LRRC7: variants seen among roughly 807,000 people sequenced by gnomAD.
LRRC7 encodes the protein leucine-rich repeat-containing protein 7.
A neutral mutation model predicts 175.7 loss-of-function variants in LRRC7; 23 were observed. That is an observed-to-expected ratio of 0.13 (90% CI 0.09 to 0.19). LRRC7 has a LOEUF of 0.19. Among genes scored for constraint, LRRC7 ranks in the 10% least tolerant of loss-of-function variants. The pLI is 1.00. For missense variants in LRRC7, 1,354 were observed against 1,904.7 expected, an observed-to-expected ratio of 0.71 and a Z score of 5.38; for synonymous variants, 685 against 680.9, an observed-to-expected ratio of 1.01 and a Z score of -0.09.
intron 8 of LRRC7, among the ~76,000 whole-genome samples, chr1:69,944,954 A>G (rs186264436): frequency 6.6e-6 from 1 of 152,070 alleles, no homozygotes; most frequent in African/African-American, 2.4e-5. Context: ...CCCATTCCAT[A>G]TGTTGTCTCT....
chr1:70,131,550 T>G lies in LRRC7; in HGVS notation c.*9663T>G, dbSNP rs1209647621. On this transcript the variant is annotated 3_prime_UTR_variant, in exon 27 of 27. Coordinates refer to ENST00000651989, the MANE Select transcript of LRRC7 (RefSeq NM_001370785.2). ...GACTCTTTTACTTATACTATTAATATTAATTACTCTTATTCTACCTCTGCT... is the reference window on the plus strand; with the variant it reads ...GACTCTTTTACTTATACTATTAATAGTAATTACTCTTATTCTACCTCTGCT... 6.6e-6 allele frequency among the ~76,000 whole-genome samples: 1 copy of G among 152,240 alleles called. No individual in the cohort carries two copies. The highest frequency in any genetic ancestry group is 1.9e-4 in the East Asian group (1 of 5,204).
In LRRC7 at chr1:69,993,278, A is replaced by G. The variant is rs1570939611; in HGVS notation, c.932-1283A>G. Among the ~76,000 whole-genome samples, 7 of 152,272 alleles carry G rather than the reference A, an allele frequency of 4.6e-5. 3 individuals are homozygous for G. The highest frequency in any genetic ancestry group is 4.6e-4 in the Admixed American group (7 of 15,284). On this transcript the variant is annotated intron_variant, in intron 10 of 26. Coordinates refer to ENST00000651989, the MANE Select transcript of LRRC7 (RefSeq NM_001370785.2). ...TTTCAAGCTGATGTATTCAGTTCCC[A>G]GGTACTTGCTCATAACAGTCTGATA...
intron 2 of LRRC7, among the ~76,000 whole-genome samples, chr1:69,731,281 C>G (rs1292391603): frequency 2.0e-5 from 3 of 151,980 alleles, no homozygotes; most frequent in Non-Finnish European, 2.9e-5. Flanking sequence ...CAGCAAGACT[C>G]CATTACCCCC....
chr1:69,771,396 G>C (rs1350105626), intron 3 of LRRC7, among the ~76,000 whole-genome samples: 1 of 152,048 alleles, frequency 6.6e-6, no homozygotes, highest in African/African-American at 2.4e-5. Flanking sequence ...TTAATTATGT[G>C]AGTCAATGAG....
intron 7 of LRRC7, among the ~76,000 whole-genome samples, chr1:69,892,692 A>G (rs943509250): frequency 5.9e-5 from 9 of 152,190 alleles, no homozygotes; most frequent in Admixed American, 1.3e-4. Context: ...ACCTACATGT[A>G]TTATTTCACT....
intron 3 of LRRC7, among the ~76,000 whole-genome samples, chr1:69,768,541 A>G (rs978592859): frequency 1.3e-5 from 2 of 152,192 alleles, no homozygotes; most frequent in African/African-American, 4.8e-5. Context: ...CAGTATTAAG[A>G]TACTGCCTAA....
At chr1:70,094,391 G>T (rs72915800) in intron 25 of LRRC7, among the ~76,000 whole-genome samples, 3,862 of 152,084 alleles carry the variant, frequency 0.025, 189 homozygotes, top group African/African-American at 0.09. Context: ...CAAATTCATG[G>T]TTTTTTTAAA....
At chr1:69,754,239 G>A (rs1022723801) in intron 2 of LRRC7, among the ~76,000 whole-genome samples, 3 of 152,042 alleles carry the variant, frequency 2.0e-5, no homozygotes, top group African/African-American at 7.2e-5. Context: ...GTTTTCAATA[G>A]GTCATCTAGC....
chr1:69,810,457 A>G (rs2901372), intron 4 of LRRC7, among the ~76,000 whole-genome samples: 5,053 of 152,268 alleles, frequency 0.033, 252 homozygotes, highest in African/African-American at 0.11. Flanking sequence ...AAGAGCCCAC[A>G]TAGCCAAGAC....
rs1226834552 is a variant in LRRC7 at position 70,129,864 on chromosome 1, C to T, written c.*7977C>T. Among the ~76,000 whole-genome samples, 1 of 152,174 alleles carries T rather than the reference C, an allele frequency of 6.6e-6. No homozygotes were observed. Among genetic ancestry groups the T allele is most frequent in the Non-Finnish European group, 1.5e-5 (1 of 68,034 alleles). On this transcript the variant is annotated 3_prime_UTR_variant, in exon 27 of 27. Transcript: ENST00000651989. ...TCTGGAAATTGTTTTCTTTTCTTCA[C>T]CCTATGCATACTCAGTGTTTTAGAC...
chr1:69,755,094 G>A (rs1292904117), intron 2 of LRRC7, among the ~76,000 whole-genome samples: 7 of 151,928 alleles, frequency 4.6e-5, no homozygotes, highest in Non-Finnish European at 7.4e-5. Flanking sequence ...CAAAGGAAGA[G>A]TGTTTTTAAA....
intron 7 of LRRC7, among the ~76,000 whole-genome samples, chr1:69,856,366 C>A (rs927420651): frequency 4.6e-5 from 7 of 151,902 alleles, no homozygotes; most frequent in Admixed American, 4.6e-4. Flanking sequence ...AGACCACTAG[C>A]AAGACTAATA....
chr1:69,607,837 G>A (rs965486520), intron 1 of LRRC7: 1 of 152,116 alleles, frequency 6.6e-6, no homozygotes, highest in African/African-American at 2.4e-5. Flanking sequence ...AGGAATAGCA[G>A]GTATTGATTC....
chr1:69,884,114 A>G (rs1686923417), intron 7 of LRRC7, among the ~76,000 whole-genome samples: 1 of 82,136 alleles, frequency 1.2e-5, no homozygotes, highest in African/African-American at 4.4e-5. Context: ...TTTTGGTTCC[A>G]TATGAACTTT....
chr1:69,691,442 C>A (rs1279100711), intron 2 of LRRC7, among the ~76,000 whole-genome samples: 1 of 151,958 alleles, frequency 6.6e-6, no homozygotes, highest in East Asian at 1.9e-4. Flanking sequence ...TTAAGCACAG[C>A]ATTTGGTATA....
At position 70,132,798 on chromosome 1, in the gene LRRC7, C is replaced by T. The variant is rs534687774; in HGVS notation, c.*10911C>T. Among the ~76,000 whole-genome samples the T allele has an allele frequency of 3.9e-5, 6 of 152,126 alleles. No individual in the cohort carries two copies. In the South Asian group the frequency reaches 1.2e-3, roughly 32 times the overall value. ...ACTTTTCTTAAATAAAGACTAATGT[C>T]AGACAGTGTGGCTACAGGTAAAAGC... On this transcript the variant is annotated 3_prime_UTR_variant, in exon 27 of 27. Transcript: ENST00000651989.
At chr1:69,700,047 T>G (rs1018707854) in intron 2 of LRRC7, among the ~76,000 whole-genome samples, 17 of 152,196 alleles carry the variant, frequency 1.1e-4, no homozygotes, top group African/African-American at 3.9e-4. Context: ...GAGATGTTCC[T>G]TCACAAATTC....
rs574357981 is a variant in LRRC7 at position 69,650,539 on chromosome 1, C to CAAAAAAAAAAAAAAAAAAAAAAAAAAAA, written c.3-27827_3-27826insAAAAAAAAAAAAAAAAAAAAAAAAAAAA. Among the ~76,000 whole-genome samples, 25 of 79,186 alleles carry CAAAAAAAAAAAAAAAAAAAAAAAAAAAA rather than the reference C, an allele frequency of 3.2e-4. 2 individuals carry two copies. The highest frequency in any genetic ancestry group is 5.3e-4 in the East Asian group (1 of 1,882). The allele number at this position is 79,186 out of a possible 152,430, so 51.9% of individuals were successfully genotyped here. On this transcript the variant is annotated intron_variant, in intron 1 of 26. Coordinates refer to ENST00000651989, the MANE Select transcript of LRRC7 (RefSeq NM_001370785.2). ...TGGGCGAAAAAGAGAGACTCCGTCT[C>CAAAAAAAAAAAAAAAAAAAAAAAAAAAA]AAAAAAAAAAAAAAATGCCAAGCAT... is the stretch of plus-strand genomic sequence containing the variant.
chr1:69,620,799 T>C (rs1359050855), intron 1 of LRRC7, among the ~76,000 whole-genome samples: 2 of 152,222 alleles, frequency 1.3e-5, no homozygotes, highest in Non-Finnish European at 2.9e-5. Context: ...CCTCCTTTTA[T>C]GTAAATGCAC....
Sources: allele counts gnomAD v4.1 joint callset (sites outside exome capture counted in the v4.1 genomes callset), GRCh38; gene constraint gnomAD v4.1.1; transcripts MANE v1.5; gene names NCBI Gene and HGNC (gene_info 2026-07-23, HGNC 2026-07-21).